Variants in WARS2 observed in about 807,000 individuals in gnomAD.
The protein encoded by WARS2 is tryptophan--tRNA ligase, mitochondrial.
WARS2 carries 28 observed loss-of-function variants against 36.5 expected under a neutral mutation model. The ratio of observed to expected loss-of-function variants is 0.77; its 90% CI spans 0.57 to 1.05. The LOEUF is 1.05. WARS2 is among the 50% of genes least tolerant of loss of function. The pLI, the probability that WARS2 is intolerant of heterozygous loss-of-function variation, is 0.00. For synonymous variants in WARS2, 174 were observed against 178.4 expected (o/e 0.98, Z 0.20); for missense variants, 435 against 456.8 (o/e 0.95, Z 0.44).
chr1:119,114,756 T>C (rs1371460881), intron 1 of WARS2, among the ~76,000 whole-genome samples: 2 of 152,174 alleles, frequency 1.3e-5, no homozygotes, highest in African/African-American at 2.4e-5. Flanking sequence ...TTCCCTACAA[T>C]TTTACCTACT....
intron 1 of WARS2, among the ~76,000 whole-genome samples, chr1:119,077,752 A>G (rs1454615375): frequency 6.6e-6 from 1 of 152,022 alleles, no homozygotes; most frequent in African/African-American, 2.4e-5. Context: ...GAAAATGAAA[A>G]GAAAAAAAAT....
At chr1:119,099,548 G>A (rs1216339163) in intron 1 of WARS2, among the ~76,000 whole-genome samples, 1 of 152,178 alleles carries the variant, frequency 6.6e-6, no homozygotes. Context: ...GGAGGAAAAC[G>A]CTTTGGTCTT....
chr1:119,065,469 T>C (rs1650757900), intron 2 of WARS2, among the ~76,000 whole-genome samples: 1 of 151,422 alleles, frequency 6.6e-6, no homozygotes, highest in Non-Finnish European at 1.5e-5. Context: ...CCGTCTCTAC[T>C]AGATAAGAAT....
At chr1:119,106,572 C>G (rs1371164815) in intron 1 of WARS2, among the ~76,000 whole-genome samples, 2 of 152,076 alleles carry the variant, frequency 1.3e-5, no homozygotes, top group Non-Finnish European at 2.9e-5. Context: ...AAATATGTAG[C>G]GTTTTCTGAT....
intron 1 of WARS2, among the ~76,000 whole-genome samples, chr1:119,077,774 T>TA (rs1235703523): frequency 6.6e-6 from 1 of 151,806 alleles, no homozygotes; most frequent in Non-Finnish European, 1.5e-5. Flanking sequence ...CAATACAAAG[T>TA]AAAAAAAATT....
Position 119,042,304 on chromosome 1 carries a change from T to C in WARS2, c.475A>G (p.Thr159Ala). 1 of 1,613,904 alleles carries C rather than the reference T, an allele frequency of 6.2e-7. No homozygotes were observed. Among genetic ancestry groups the C allele is most frequent in the Non-Finnish European group, 8.5e-7 (1 of 1,179,922 alleles). ...QKHDGTVGLL[T>A]YPVLQAADIL... is the part of the protein sequence containing the mutation. ...TCGGCTGCCTGGAGTACTGGGTATG[T>C]GAGCAGGCCCACCGTGCCATCGTGC... The change falls in exon 4 of 6, where the codon ACA (threonine) becomes GCA (alanine). Residue 159 changes from threonine to alanine, a missense_variant. Coordinates refer to ENST00000235521, the MANE Select transcript of WARS2 (RefSeq NM_015836.4).
At chr1:119,042,528 T>C in intron 3 of WARS2, among the ~76,000 whole-genome samples, 179 bp from the exon 4 acceptor site, 1 of 152,150 alleles carries the variant, frequency 6.6e-6, no homozygotes, top group East Asian at 1.9e-4. Context: ...CTTGTCTTCA[T>C]GCTCCAGGCT....
chr1:119,084,952 T>TA, intron 1 of WARS2: 1 of 412,164 alleles, frequency 2.4e-6, no homozygotes, highest in East Asian at 5.0e-5. Context: ...TGACTGCATT[T>TA]AAAAAACATA....
chr1:119,042,847 A>G (rs1452811540), intron 3 of WARS2, among the ~76,000 whole-genome samples: 1 of 152,242 alleles, frequency 6.6e-6, no homozygotes, highest in Non-Finnish European at 1.5e-5. Context: ...CAAAAAAGTC[A>G]TGGCATTTAA....
chr1:119,092,756 C>A (rs1653132920), intron 1 of WARS2, among the ~76,000 whole-genome samples: 1 of 152,150 alleles, frequency 6.6e-6, no homozygotes, highest in African/African-American at 2.4e-5. Context: ...AGGAGAATTG[C>A]AAGAATTAAA....
intron 2 of WARS2, among the ~76,000 whole-genome samples, chr1:119,070,339 T>C (rs1000734170): frequency 6.6e-6 from 1 of 152,074 alleles, no homozygotes; most frequent in Admixed American, 6.5e-5. Flanking sequence ...TCTGCTCACT[T>C]CCACCTCTGC....
At position 119,033,116 on chromosome 1, in the gene WARS2, C is replaced by T. The variant is rs758678682; in HGVS notation, c.878G>A (p.Arg293His). Residue 293 changes from arginine to histidine, a missense_variant, in exon 6 of 6, where the codon CGC (arginine) becomes CAC (histidine). Physicochemically the swap from Arg to His is conservative, Grantham distance 29. Transcript: ENST00000235521. ...TGLSVEEVVR[R>H]SAGMNTARYK... The stretch of plus-strand genomic sequence containing the variant: ...GCGAGCAGTGTTCATGCCCGCGCTG[C>T]GGCGCACCACTTCCTCCACGGAGAG... The T allele has an allele frequency of 1.2e-5, 20 of 1,614,030 alleles. No homozygotes were observed. Among genetic ancestry groups the T allele is most frequent in the Non-Finnish European group, 1.6e-5 (19 of 1,180,064 alleles).
upstream of WARS2, chr1:119,140,671 T>A (rs2101597257): frequency 6.2e-7 from 1 of 1,603,084 alleles, no homozygotes; most frequent in South Asian, 1.1e-5. Context: ...CCGTCTTGTT[T>A]GGAATGACGT....
chr1:119,130,279 A>T (rs1022290587), intron 1 of WARS2, among the ~76,000 whole-genome samples: 1 of 152,248 alleles, frequency 6.6e-6, no homozygotes, highest in African/African-American at 2.4e-5. Context: ...TTATTGAACT[A>T]GACAGTCCTT....
chr1:119,084,191 T>G (rs1400345717), intron 1 of WARS2, among the ~76,000 whole-genome samples: 1 of 151,252 alleles, frequency 6.6e-6, no homozygotes, highest in Non-Finnish European at 1.5e-5. Context: ...ATTTTTTTTT[T>G]GGTATAATTC....
chr1:119,088,813 G>A (rs1329459201), intron 1 of WARS2, among the ~76,000 whole-genome samples: 1 of 152,174 alleles, frequency 6.6e-6, no homozygotes, highest in South Asian at 2.1e-4. Flanking sequence ...ACACCACTGA[G>A]GAGTGTTCAA....
intron 2 of WARS2, among the ~76,000 whole-genome samples, chr1:119,074,213 T>C (rs1319070071): frequency 6.6e-6 from 1 of 152,206 alleles, no homozygotes; most frequent in Non-Finnish European, 1.5e-5. Context: ...CCAGGCACAT[T>C]CTTTTCAGAA....
At chr1:119,114,257 C>T (rs1238866292) in intron 1 of WARS2, among the ~76,000 whole-genome samples, 1 of 152,146 alleles carries the variant, frequency 6.6e-6, no homozygotes, top group East Asian at 1.9e-4. Context: ...AAAGGAAAAA[C>T]AAGTCGCCAA....
At chr1:119,107,727 A>T (rs1300176412) in intron 1 of WARS2, among the ~76,000 whole-genome samples, 2 of 151,956 alleles carry the variant, frequency 1.3e-5, no homozygotes, top group Non-Finnish European at 2.9e-5. Flanking sequence ...ACAATGTTGA[A>T]AAGGGGTGGT....
Sources: gnomAD v4.1 joint callset for allele counts (sites outside exome capture counted in the v4.1 genomes callset) on GRCh38, gnomAD v4.1.1 for gene constraint, MANE v1.5 for transcripts, NCBI Gene and HGNC (gene_info 2026-07-23, HGNC 2026-07-21) for gene names.